The following ZSCAN25 variants were observed in gnomAD, a reference collection of about 807,000 sequenced individuals.
ZSCAN25 encodes zinc finger and SCAN domain containing 25, also known as zinc finger and SCAN domain-containing protein 25.
Under a neutral mutation model 38.7 loss-of-function variants are expected in ZSCAN25, and 27 were observed. The ratio of observed to expected loss-of-function variants is 0.70; its 90% CI spans 0.51 to 0.96. The LOEUF (loss-of-function observed/expected upper bound fraction) is 0.96. ZSCAN25 is among the 40% of genes least tolerant of loss of function. The pLI is 0.00. For synonymous variants in ZSCAN25, 273 were observed against 277.7 expected (o/e 0.98, Z 0.17); for missense variants, 637 against 705.9 (o/e 0.90, Z 1.11).
chr7:99,683,841 G>A, the ZSCAN25 span, among the ~76,000 whole-genome samples: 4 of 152,034 alleles, frequency 2.6e-5, no homozygotes, highest in Non-Finnish European at 5.9e-5. Context: ...CTACCTTAAT[G>A]TGTGGCCACC....
At chr7:99,689,273 G>A in the ZSCAN25 span, among the ~76,000 whole-genome samples, 1 of 151,980 alleles carries the variant, frequency 6.6e-6, no homozygotes, top group Non-Finnish European at 1.5e-5. Flanking sequence ...ACGCTAGCAA[G>A]ACTAATAAAG....
chr7:99,677,472 TA>T, the ZSCAN25 span, among the ~76,000 whole-genome samples: 2 of 152,198 alleles, frequency 1.3e-5, no homozygotes, highest in African/African-American at 4.8e-5. Context: ...GTATGGCATA[TA>T]AGATAAGTAA....
chr7:99,693,694 G>C, the ZSCAN25 span, among the ~76,000 whole-genome samples: 1 of 152,222 alleles, frequency 6.6e-6, no homozygotes, highest in African/African-American at 2.4e-5. Context: ...GCAAGTCTCC[G>C]TGGGTGTGGC....
At chr7:99,669,788 AG>A in the ZSCAN25 span, among the ~76,000 whole-genome samples, 1 of 152,220 alleles carries the variant, frequency 6.6e-6, no homozygotes, top group African/African-American at 2.4e-5. Flanking sequence ...TATATGAAGC[AG>A]TGAAAAATAT....
Position 99,629,998 on chromosome 7 carries a change from G to T in ZSCAN25, c.1613G>T (p.Arg538Leu), listed in dbSNP as rs780204912. The change falls in exon 8 of 8, where the codon CGC (arginine) becomes CTC (leucine). Residue 538 changes from arginine to leucine, a missense_variant. Physicochemically the swap from Arg to Leu is moderately radical, Grantham distance 102 (BLOSUM62 -2). Coordinates refer to ENST00000394152, the MANE Select transcript of ZSCAN25 (RefSeq NM_145115.3). This position sits in a 1 kb window ranked among gnomAD's most constrained non-coding sequence, Gnocchi z 5.6. ...ILNRHQKTQH[R>L]QEPLVQ ...AACCGGCACCAGAAGACCCAGCACC[G>T]CCAGGAGCCGCTGGTGCAGTGAGCA... The T allele has an allele frequency of 1.9e-6, 3 of 1,572,684 alleles. No individual in the cohort carries two copies. Among genetic ancestry groups the T allele is most frequent in the South Asian group, 1.2e-5 (1 of 85,628 alleles).
At chr7:99,738,015 A>C in the ZSCAN25 span, among the ~76,000 whole-genome samples, 51 of 152,342 alleles carry the variant, frequency 3.3e-4, no homozygotes, top group Non-Finnish European at 6.5e-4. Context: ...CCTGTATTAA[A>C]GCATTCATCA....
rs909148005 is a variant in ZSCAN25 at position 99,631,176 on chromosome 7, G to C, written c.*1156G>C. On this transcript the variant is annotated 3_prime_UTR_variant, in exon 8 of 8. Transcript: ENST00000394152. ...TGGGCCTGTATTCATTGCTTTGTCA[G>C]CATCTTGCCCTGAAATGCATTTGTC... is the stretch of plus-strand genomic sequence containing the variant. 19 of 985,244 alleles carry C rather than the reference G, an allele frequency of 1.9e-5. No homozygotes were observed. Among genetic ancestry groups the C allele is most frequent in the Non-Finnish European group, 2.2e-5 (18 of 829,938 alleles). The allele number at this position is 985,244 out of a possible 1,614,324, so 61.0% of individuals were successfully genotyped here.
At chr7:99,642,516 C>G in the ZSCAN25 span, among the ~76,000 whole-genome samples, 1 of 152,180 alleles carries the variant, frequency 6.6e-6, no homozygotes, top group Non-Finnish European at 1.5e-5. Flanking sequence ...AGAGACCCTA[C>G]AGGGAAACTG....
the ZSCAN25 span, among the ~76,000 whole-genome samples, chr7:99,690,530 T>A: frequency 1.3e-5 from 2 of 151,640 alleles, no homozygotes; most frequent in African/African-American, 2.4e-5. Context: ...TGGGAGAAAA[T>A]TTTTGCAACC....
At chr7:99,624,218 G>T (rs1484037246) in intron 7 of ZSCAN25, 38 bp downstream of exon 7, 4 of 1,612,044 alleles carry the variant, frequency 2.5e-6, no homozygotes, top group Non-Finnish European at 3.4e-6. Context: ...GAACTGGGGA[G>T]TTCTGAAAGC....
chr7:99,726,149 A>G, the ZSCAN25 span, among the ~76,000 whole-genome samples: 1 of 151,428 alleles, frequency 6.6e-6, no homozygotes, highest in South Asian at 2.1e-4. Flanking sequence ...GTATCCCCCC[A>G]CCTTAACCCA....
chr7:99,644,049 G>A, the ZSCAN25 span, among the ~76,000 whole-genome samples: 1 of 152,070 alleles, frequency 6.6e-6, no homozygotes, highest in African/African-American at 2.4e-5. Flanking sequence ...AAGGGAATGG[G>A]TTAAGGCAAA....
At position 99,629,381 on chromosome 7, in the gene ZSCAN25, C is replaced by G; in HGVS notation, c.996C>G (p.Ile332Met). Residue 332 changes from isoleucine to methionine, a missense_variant, in exon 8 of 8, where the codon ATC becomes ATG. Ile to Met is a conservative substitution (Grantham distance 10). Coordinates refer to ENST00000394152, the MANE Select transcript of ZSCAN25 (RefSeq NM_145115.3). The surrounding 1 kb of genome is among the most constrained non-coding windows in gnomAD (Gnocchi z 5.6). ...PGLPPPQHGA[I>M]PLPDEVKTHS... is the part of the protein sequence containing the mutation. ...TTCCTCCTCCCCAGCACGGTGCCAT[C>G]CCCCTGCCTGACGAAGTCAAAACCC... The G allele has an allele frequency of 6.2e-7, 1 of 1,614,222 alleles. No individual in the cohort carries two copies. The highest frequency in any genetic ancestry group is 8.5e-7 in the Non-Finnish European group (1 of 1,180,028).
the ZSCAN25 span, among the ~76,000 whole-genome samples, chr7:99,657,291 CT>C: frequency 6.6e-6 from 1 of 152,080 alleles, no homozygotes; most frequent in Non-Finnish European, 1.5e-5. Flanking sequence ...TGTCTTTGTT[CT>C]TGTTGGTTTC....
chr7:99,708,170 A>G, the ZSCAN25 span, among the ~76,000 whole-genome samples: 1 of 152,190 alleles, frequency 6.6e-6, no homozygotes, highest in African/African-American at 2.4e-5. Flanking sequence ...CTCTCCTTAC[A>G]TTATAGGAGC....
chr7:99,630,735 C>G lies in ZSCAN25; in HGVS notation c.*715C>G, dbSNP rs1265913342. ...TCTGTGTCAGGCTATAACATTCTATCCTCATCTGTAAAACTTCCCCGTCCA... is the reference window on the plus strand; with the variant it reads ...TCTGTGTCAGGCTATAACATTCTATGCTCATCTGTAAAACTTCCCCGTCCA... On this transcript the variant is annotated 3_prime_UTR_variant, in exon 8 of 8. Coordinates refer to ENST00000394152, the MANE Select transcript of ZSCAN25 (RefSeq NM_145115.3). 2 of 985,320 alleles carry G rather than the reference C, an allele frequency of 2.0e-6. No homozygotes were observed. Among genetic ancestry groups the G allele is most frequent in the Non-Finnish European group, 2.4e-6 (2 of 829,952 alleles). The allele number at this position is 985,320 out of a possible 1,614,324, so 61.0% of individuals were successfully genotyped here.
the ZSCAN25 span, among the ~76,000 whole-genome samples, chr7:99,688,372 C>A: frequency 6.6e-6 from 1 of 152,130 alleles, no homozygotes; most frequent in African/African-American, 2.4e-5. Flanking sequence ...GGTTGGAATC[C>A]TAGTCTCTGA....
At chr7:99,734,628 T>C in the ZSCAN25 span, among the ~76,000 whole-genome samples, 3 of 148,382 alleles carry the variant, frequency 2.0e-5, no homozygotes, top group East Asian at 2.0e-4. Context: ...TTTTTTCTCT[T>C]TTTTTTTTTT....
At chr7:99,672,539 T>C in the ZSCAN25 span, 5 of 1,509,966 alleles carry the variant, frequency 3.3e-6, no homozygotes, top group Non-Finnish European at 4.6e-6. Flanking sequence ...ATTTAATCAG[T>C]GGATCAATCA....
Sources: gnomAD v4.1 joint callset for allele counts (sites outside exome capture counted in the v4.1 genomes callset) on GRCh38, gnomAD v4.1.1 for gene constraint, Gnocchi (gnomAD v3.1) non-coding constraint, MANE v1.5 for transcripts, NCBI Gene and HGNC (gene_info 2026-07-23, HGNC 2026-07-21) for gene names.